NRF1: variants seen among roughly 807,000 people sequenced by gnomAD.
NRF1 encodes alpha palindromic-binding protein.
A neutral mutation model predicts 58.5 loss-of-function variants in NRF1; 5 were observed. That is an observed-to-expected ratio of 0.09 (90% CI 0.04 to 0.18). The LOEUF (loss-of-function observed/expected upper bound fraction) is 0.18, where lower values mean the gene tolerates loss of function less well. NRF1 is among the 10% of genes least tolerant of loss of function. The pLI, the probability that NRF1 is intolerant of heterozygous loss-of-function variation, is 1.00. For missense variants in NRF1, 288 were observed against 657.7 expected (o/e 0.44, Z 6.15); for synonymous variants, 224 against 246.7 (o/e 0.91, Z 0.86).
intron 1 of NRF1, among the ~76,000 whole-genome samples, chr7:129,650,719 G>A (rs11761434): frequency 0.3 from 45,736 of 151,656 alleles, 8,509 homozygotes; most frequent in Non-Finnish European, 0.43. Flanking sequence ...TTGCGAATAG[G>A]TAGTCATTTT....
intron 5 of NRF1, among the ~76,000 whole-genome samples, chr7:129,706,127 A>G (rs1413723420): frequency 6.6e-6 from 1 of 152,180 alleles, no homozygotes; most frequent in Admixed American, 6.5e-5. Flanking sequence ...CAGTGCAGAG[A>G]TTTGTCTGAT....
chr7:129,635,120 T>C (rs1207362098), intron 1 of NRF1, among the ~76,000 whole-genome samples: 2 of 152,174 alleles, frequency 1.3e-5, no homozygotes, highest in Non-Finnish European at 2.9e-5. Flanking sequence ...TCTCAGGGTC[T>C]CTAGGCGGTT....
chr7:129,723,437 C>CT (rs1193821395), intron 9 of NRF1, among the ~76,000 whole-genome samples: 1 of 147,242 alleles, frequency 6.8e-6, no homozygotes, highest in African/African-American at 2.5e-5. Flanking sequence ...GAGCGAAACT[C>CT]TATCTCAAAA....
At position 129,657,406 on chromosome 7, in the gene NRF1, G is replaced by T. The variant is rs1244191022; in HGVS notation, c.55G>T (p.Ala19Ser). ...TEHMATIEAHAVAQQVQQVHV... is the reference protein window; with the variant it reads ...TEHMATIEAHSVAQQVQQVHV... ...ACATATGGCTACCATAGAAGCACAT[G>T]CAGTGGCCCAGCAAGTGCAGCAGGT... The change falls in exon 2 of 11, where the codon GCA becomes TCA. Residue 19 changes from alanine (A) to serine (S), a missense_variant. Coordinates refer to ENST00000393232, the MANE Select transcript of NRF1 (RefSeq NM_005011.5). 2 of 1,614,148 alleles carry T rather than the reference G, an allele frequency of 1.2e-6. No individual in the cohort carries two copies. The highest frequency in any genetic ancestry group is 4.5e-5 in the East Asian group (2 of 44,882).
At chr7:129,680,677 G>A (rs1276747627) in intron 4 of NRF1, among the ~76,000 whole-genome samples, 3 of 152,182 alleles carry the variant, frequency 2.0e-5, no homozygotes, top group South Asian at 2.1e-4. Context: ...ATTGTGCTAA[G>A]CAAAAGAACC....
intron 10 of NRF1, among the ~76,000 whole-genome samples, chr7:129,730,538 A>G (rs1318555539): frequency 6.6e-6 from 1 of 152,226 alleles, no homozygotes; most frequent in Non-Finnish European, 1.5e-5. Context: ...GTTCTGAAGT[A>G]GAAAGAGTTT....
intron 5 of NRF1, among the ~76,000 whole-genome samples, chr7:129,701,051 A>T (rs1211356312): frequency 6.6e-6 from 1 of 152,274 alleles, no homozygotes; most frequent in Non-Finnish European, 1.5e-5. Flanking sequence ...GAAAATAGCC[A>T]TATAAATTAC....
intron 10 of NRF1, among the ~76,000 whole-genome samples, chr7:129,739,561 A>G (rs1018807832): frequency 6.6e-6 from 1 of 151,094 alleles, no homozygotes; most frequent in African/African-American, 2.4e-5. Context: ...AAAAAAATCT[A>G]CCCATGTGAC....
chr7:129,642,107 T>C (rs920619341), intron 1 of NRF1, among the ~76,000 whole-genome samples: 4 of 152,132 alleles, frequency 2.6e-5, no homozygotes, highest in African/African-American at 9.7e-5. Context: ...GCCTCCCTAG[T>C]AGCTGGGATT....
rs1011611475 is a variant in NRF1 at position 129,683,849 on chromosome 7, T to G, written c.465+6091T>G. On this transcript the variant is annotated intron_variant, in intron 4 of 10. Coordinates refer to ENST00000393232, the MANE Select transcript of NRF1 (RefSeq NM_005011.5). ...GGCTTCACCATGTTGGCCAGGCTGG[T>G]CTTGAACTCCTAACCTCAGGTGATC... Among the ~76,000 whole-genome samples the G allele has an allele frequency of 4.6e-5, 7 of 151,980 alleles. No homozygotes were observed. The East Asian group carries it at 1.4e-3, about 29-fold the overall frequency.
chr7:129,645,821 A>G (rs969169061), intron 1 of NRF1, among the ~76,000 whole-genome samples: 7 of 151,934 alleles, frequency 4.6e-5, no homozygotes, highest in African/African-American at 7.3e-5. Flanking sequence ...TAAGTGTCCC[A>G]TTTCTGTCTG....
intron 2 of NRF1, among the ~76,000 whole-genome samples, chr7:129,665,858 C>T (rs1447560925): frequency 6.6e-6 from 1 of 152,214 alleles, no homozygotes; most frequent in East Asian, 1.9e-4. Flanking sequence ...AAGTGATCCT[C>T]CTGCCTTGGC....
chr7:129,729,965 G>A (rs537257898), intron 10 of NRF1, among the ~76,000 whole-genome samples: 2 of 152,088 alleles, frequency 1.3e-5, no homozygotes, highest in Admixed American at 6.5e-5. Flanking sequence ...TCAGCCTCCC[G>A]AGTAGCTGGG....
At chr7:129,623,470 T>C (rs1418655423) in intron 1 of NRF1, among the ~76,000 whole-genome samples, 1 of 152,094 alleles carries the variant, frequency 6.6e-6, no homozygotes, top group Non-Finnish European at 1.5e-5. Flanking sequence ...ATCCAACTCA[T>C]ACACTCAGTG....
At chr7:129,654,269 C>T (rs916090642) in intron 1 of NRF1, among the ~76,000 whole-genome samples, 3 of 152,150 alleles carry the variant, frequency 2.0e-5, no homozygotes, top group Non-Finnish European at 2.9e-5. Flanking sequence ...TATATATCTT[C>T]CTTGGTGAGA....
At chr7:129,717,403 G>A (rs1425695209) in intron 9 of NRF1, 27 bp downstream of exon 9, 1 of 1,586,504 alleles carries the variant, frequency 6.3e-7, no homozygotes, top group Non-Finnish European at 8.6e-7. Context: ...GGGAATAAGT[G>A]AGGATCGCAA....
intron 5 of NRF1, among the ~76,000 whole-genome samples, chr7:129,700,311 G>T (rs965572673): frequency 2.6e-5 from 4 of 152,080 alleles, no homozygotes; most frequent in Non-Finnish European, 5.9e-5. Context: ...TAGTTTGGTG[G>T]TTCTCAAAAT....
intron 8 of NRF1, among the ~76,000 whole-genome samples, chr7:129,714,140 T>C (rs1803136321): frequency 6.6e-6 from 1 of 152,256 alleles, no homozygotes; most frequent in Non-Finnish European, 1.5e-5. Flanking sequence ...AGCTGATTTC[T>C]TGATCACCTG....
intron 9 of NRF1, among the ~76,000 whole-genome samples, chr7:129,720,311 T>C (rs1324724949): frequency 3.3e-5 from 5 of 152,162 alleles, no homozygotes; most frequent in African/African-American, 1.2e-4. Flanking sequence ...ACCCATGGTC[T>C]AATGTCTTAG....
Sources: gnomAD v4.1 joint callset for allele counts (sites outside exome capture counted in the v4.1 genomes callset) on GRCh38, gnomAD v4.1.1 for gene constraint, MANE v1.5 for transcripts, NCBI Gene and HGNC (gene_info 2026-07-23, HGNC 2026-07-21) for gene names.